UBE2G1: variants seen among roughly 807,000 people sequenced by gnomAD.
UBE2G1 encodes ubiquitin conjugating enzyme E2 G1, also known as ubiquitin-conjugating enzyme E2 G1.
UBE2G1 carries 5 observed loss-of-function variants against 22.7 expected under a neutral mutation model. The ratio of observed to expected loss-of-function variants is 0.22; its 90% CI spans 0.12 to 0.46. The LOEUF is 0.46. Among genes scored for constraint, UBE2G1 ranks in the 20% least tolerant of loss-of-function variants. UBE2G1 has a pLI of 0.99. For synonymous variants in UBE2G1, 74 were observed against 67.5 expected, an observed-to-expected ratio of 1.10 and a Z score of -0.47; for missense variants, 88 against 203.9, an observed-to-expected ratio of 0.43 and a Z score of 3.46.
chr17:4,295,665 C>CAAGTTCT (rs1243556935), intron 3 of UBE2G1, among the ~76,000 whole-genome samples: 1 of 152,054 alleles, frequency 6.6e-6, no homozygotes, highest in Admixed American at 6.6e-5. Flanking sequence ...GAAATCTCTG[C>CAAGTTCT]AAGTTCTATC....
At chr17:4,320,694 A>C (rs1969427065) in intron 1 of UBE2G1, among the ~76,000 whole-genome samples, 1 of 152,210 alleles carries the variant, frequency 6.6e-6, no homozygotes, top group African/African-American at 2.4e-5. Flanking sequence ...GGCATTAGAC[A>C]CTACCTTCTT....
chr17:4,308,944 T>C (rs987789089), intron 1 of UBE2G1, among the ~76,000 whole-genome samples: 4 of 152,070 alleles, frequency 2.6e-5, no homozygotes, highest in African/African-American at 9.7e-5. Flanking sequence ...GCCAGCAAAA[T>C]AGGAGAAAGC....
intron 2 of UBE2G1, 63 bp from the exon 3 acceptor site, chr17:4,296,877 TAAAAC>T: frequency 1.4e-6 from 2 of 1,406,840 alleles, no homozygotes; most frequent in Non-Finnish European, 9.9e-7. Context: ...ATAGAAGTGT[TAAAAC>T]AAATATAAAA....
chr17:4,288,924 G>A (rs963732084), intron 4 of UBE2G1, among the ~76,000 whole-genome samples: 2 of 151,944 alleles, frequency 1.3e-5, no homozygotes, highest in African/African-American at 4.8e-5. Flanking sequence ...CATGTAATCG[G>A]AACAATTTGG....
chr17:4,363,519 T>G (rs1385501265), intron 1 of UBE2G1, among the ~76,000 whole-genome samples: 2 of 152,152 alleles, frequency 1.3e-5, no homozygotes, highest in Non-Finnish European at 2.9e-5. Context: ...CAGATGACCA[T>G]CAAAATCTAG....
At chr17:4,315,021 T>C (rs1231235754) in intron 1 of UBE2G1, among the ~76,000 whole-genome samples, 1 of 152,132 alleles carries the variant, frequency 6.6e-6, no homozygotes, top group Non-Finnish European at 1.5e-5. Context: ...TATCCAGAAA[T>C]TGTTGTTTCC....
intron 1 of UBE2G1, among the ~76,000 whole-genome samples, chr17:4,353,445 G>T (rs540739521): frequency 2.2e-5 from 3 of 135,316 alleles, no homozygotes; most frequent in Non-Finnish European, 4.5e-5. Context: ...ATAGAGTTTC[G>T]TTGATATATA....
At chr17:4,275,865 T>C (rs962183195) in intron 5 of UBE2G1, among the ~76,000 whole-genome samples, 1 of 152,200 alleles carries the variant, frequency 6.6e-6, no homozygotes, top group East Asian at 1.9e-4. Flanking sequence ...CGCTGACTTT[T>C]TCCCCCACAC....
chr17:4,301,970 T>C (rs1567518506), intron 2 of UBE2G1: 1 of 488,308 alleles, frequency 2.0e-6, no homozygotes, highest in Non-Finnish European at 4.1e-6. Context: ...TTCACTAATC[T>C]GTGCCTTCCT....
chr17:4,304,304 C>G (rs979897830), intron 2 of UBE2G1, among the ~76,000 whole-genome samples: 2 of 152,094 alleles, frequency 1.3e-5, no homozygotes, highest in Admixed American at 1.3e-4. Flanking sequence ...CCTAAACTTC[C>G]GTACTACAAA....
chr17:4,355,412 G>T (rs915213627), intron 1 of UBE2G1, among the ~76,000 whole-genome samples: 1 of 150,356 alleles, frequency 6.7e-6, no homozygotes, highest in South Asian at 2.1e-4. Context: ...AGGCCGAGGC[G>T]GGTGTATCAC....
intron 5 of UBE2G1, among the ~76,000 whole-genome samples, chr17:4,274,332 GGA>G (rs1278768682): frequency 2.7e-4 from 41 of 151,960 alleles, no homozygotes; most frequent in Admixed American, 1.7e-3. Flanking sequence ...CGAGTAGCTG[GGA>G]ATACAGGCGC....
intron 3 of UBE2G1, among the ~76,000 whole-genome samples, chr17:4,291,619 T>C (rs538281907): frequency 1.3e-5 from 2 of 152,304 alleles, no homozygotes; most frequent in East Asian, 1.9e-4. Context: ...AACCTTCTCA[T>C]GTCATTTTAA....
intron 1 of UBE2G1, among the ~76,000 whole-genome samples, chr17:4,308,314 T>C (rs549131616): frequency 1.3e-4 from 20 of 152,234 alleles, no homozygotes; most frequent in African/African-American, 4.6e-4. Flanking sequence ...GATCGCGCCA[T>C]TGCACTCCAG....
intron 1 of UBE2G1, among the ~76,000 whole-genome samples, chr17:4,357,506 TGTGG>T (rs1328389151): frequency 4.5e-4 from 5 of 11,082 alleles, no homozygotes; most frequent in African/African-American, 8.6e-4. Context: ...TGTGTGTGTG[TGTGG>T]GGGGGGGGGG....
intron 1 of UBE2G1, among the ~76,000 whole-genome samples, chr17:4,357,305 A>G (rs759719882): frequency 6.6e-6 from 1 of 151,980 alleles, no homozygotes; most frequent in South Asian, 2.1e-4. Flanking sequence ...GCATATTGTT[A>G]TCATTGCTCT....
At chr17:4,359,348 A>C (rs957360615) in intron 1 of UBE2G1, among the ~76,000 whole-genome samples, 2 of 152,252 alleles carry the variant, frequency 1.3e-5, no homozygotes, top group African/African-American at 2.4e-5. Flanking sequence ...AAGGAAAAAA[A>C]GCAAAGATAC....
intron 3 of UBE2G1, among the ~76,000 whole-genome samples, chr17:4,292,154 C>G (rs1392762573): frequency 1.3e-5 from 2 of 151,742 alleles, no homozygotes; most frequent in African/African-American, 4.8e-5. Context: ...ATGGTGAACC[C>G]ATCTCTAATA....
At chr17:4,355,483 A>G (rs1969895318) in intron 1 of UBE2G1, among the ~76,000 whole-genome samples, 1 of 148,744 alleles carries the variant, frequency 6.7e-6, no homozygotes, top group Admixed American at 6.7e-5. Context: ...TTCTACTAAA[A>G]ATACAAAAAT....
Sources: gnomAD v4.1 joint callset for allele counts (sites outside exome capture counted in the v4.1 genomes callset) on GRCh38, gnomAD v4.1.1 for gene constraint, MANE v1.5 for transcripts, NCBI Gene and HGNC (gene_info 2026-07-23, HGNC 2026-07-21) for gene names.